The following PTGER2 variants were observed in gnomAD, a reference collection of about 807,000 sequenced individuals.
The protein encoded by PTGER2 is prostaglandin E receptor 2.
Under a neutral mutation model 26.2 loss-of-function variants are expected in PTGER2, and 22 were observed. The ratio of observed to expected loss-of-function variants is 0.84; its 90% CI spans 0.60 to 1.20. PTGER2 has a LOEUF of 1.20. PTGER2 is among the 50% of genes most tolerant of loss of function. PTGER2 has a pLI of 0.00. For synonymous variants in PTGER2, 219 were observed against 208.9 expected, an observed-to-expected ratio of 1.05 and a Z score of -0.42; for missense variants, 458 against 475.2, an observed-to-expected ratio of 0.96 and a Z score of 0.34.
chr14:52,318,656 A>T (rs561711186), intron 1 of PTGER2, among the ~76,000 whole-genome samples: 3 of 152,186 alleles, frequency 2.0e-5, no homozygotes, highest in African/African-American at 7.2e-5. Context: ...ATTCCACAGC[A>T]CTCCAGTAGT....
rs1205890776 is a variant in PTGER2, at chr14:52,327,629, A to G, written c.*175A>G. 2 of 587,216 alleles carry G rather than the reference A, an allele frequency of 3.4e-6. No individual in the cohort carries two copies. The highest frequency in any genetic ancestry group is 5.8e-5 in the East Asian group (2 of 34,510). 36.4% of individuals were successfully genotyped at this position (587,216 alleles called of 1,614,324 possible). On this transcript the variant is annotated 3_prime_UTR_variant, in exon 2 of 2. Coordinates refer to ENST00000245457, the MANE Select transcript of PTGER2 (RefSeq NM_000956.4). ...GATGTGCTGACAAGGCACTTCATGT[A>G]AAGTGTCAGAAGGAGCTACAAAACC...
intron 1 of PTGER2, among the ~76,000 whole-genome samples, chr14:52,315,901 T>C (rs529791912): frequency 1.3e-5 from 2 of 152,330 alleles, no homozygotes; most frequent in South Asian, 2.1e-4. Flanking sequence ...CCAGCTGCCA[T>C]TGAAAATGGT....
chr14:52,316,387 A>T (rs1002117155), intron 1 of PTGER2, among the ~76,000 whole-genome samples: 3 of 152,186 alleles, frequency 2.0e-5, no homozygotes, highest in African/African-American at 7.2e-5. Flanking sequence ...GTTTTAGCTG[A>T]GCCTGGAATA....
Position 52,314,666 on chromosome 14 carries a change from C to G in PTGER2, c.118C>G (p.Leu40Val). 1 of 1,532,820 alleles carries G rather than the reference C, an allele frequency of 6.5e-7. No individual in the cohort carries two copies. The highest frequency in any genetic ancestry group is 1.4e-5 in the African/African-American group (1 of 72,680). 95.0% of individuals were successfully genotyped at this position (1,532,820 alleles called of 1,614,324 possible). ...VMFSAGVLGNLIALALLARRW... is the reference protein window; with the variant it reads ...VMFSAGVLGNVIALALLARRW... The stretch of plus-strand genomic sequence containing the variant: ...GTTCTCGGCCGGGGTGCTGGGGAAC[C>G]TCATAGCACTGGCGCTGCTGGCGCG... The change falls in exon 1 of 2, where the codon CTC (leucine) becomes GTC (valine). Residue 40 changes from leucine to valine, a missense_variant. By Grantham distance (32) the Leu-to-Val change is conservative. Coordinates refer to ENST00000245457, the MANE Select transcript of PTGER2 (RefSeq NM_000956.4). This position sits in a 1 kb window ranked among gnomAD's most constrained non-coding sequence, Gnocchi z 5.7.
Position 52,315,227 on chromosome 14 carries a change from C to A in PTGER2, c.679C>A (p.Arg227Ser). The A allele has an allele frequency of 6.2e-7, 1 of 1,611,894 alleles. No homozygotes were observed. Among genetic ancestry groups the A allele is most frequent in the East Asian group, 2.2e-5 (1 of 44,854 alleles). ...CATTCTCAACCTCATCCGCATGCAC[C>A]GCCGAAGCCGGAGAAGCCGCTGCGG... ...SVILNLIRMH[R>S]RSRRSRCGPS... is the part of the protein sequence containing the mutation. The change falls in exon 1 of 2, where the codon CGC (arginine) becomes AGC (serine). Residue 227 changes from arginine to serine, a missense_variant. Physicochemically the swap from Arg to Ser is moderately radical, Grantham distance 110. Transcript: ENST00000245457.
At chr14:52,315,722 T>C (rs139476119) in intron 1 of PTGER2, among the ~76,000 whole-genome samples, 139 of 152,328 alleles carry the variant, frequency 9.1e-4, no homozygotes, top group African/African-American at 3.2e-3. Flanking sequence ...CTTGGCTTAG[T>C]AATTGAGAAA....
rs1254049180 is a variant in PTGER2, at chr14:52,314,565, A to G, written c.17A>G (p.Asn6Ser). ...CACCCCACCATGGGCAATGCCTCCA[A>G]TGACTCCCAGTCTGAGGACTGCGAG... is the stretch of plus-strand genomic sequence containing the variant. MGNAS[N>S]DSQSEDCETR... The change falls in exon 1 of 2, where the codon AAT (asparagine) becomes AGT (serine). Residue 6 changes from asparagine to serine, a missense_variant. Coordinates refer to ENST00000245457, the MANE Select transcript of PTGER2 (RefSeq NM_000956.4). This position sits in a 1 kb window ranked among gnomAD's most constrained non-coding sequence, Gnocchi z 5.7. 4.0e-6 allele frequency: 6 copies of G among 1,496,410 alleles called. No homozygotes were observed. The highest frequency in any genetic ancestry group is 3.6e-6 in the Non-Finnish European group (4 of 1,123,412). The allele number at this position is 1,496,410 out of a possible 1,614,324, so 92.7% of individuals were successfully genotyped here. A position where few individuals can be genotyped will look rare whatever the true frequency, so the allele number is the denominator to read the frequency against.
rs1436933333 is a variant in PTGER2, at chr14:52,314,913, C to G, written c.365C>G (p.Ala122Gly). 6.2e-7 allele frequency: 1 copy of G among 1,612,580 alleles called. No homozygotes were observed. The highest frequency in any genetic ancestry group is 8.5e-7 in the Non-Finnish European group (1 of 1,179,644). The change falls in exon 1 of 2, where the codon GCC (alanine) becomes GGC (glycine). Residue 122 changes from alanine (A) to glycine (G), a missense_variant. By Grantham distance (60) the Ala-to-Gly change is moderately conservative (BLOSUM62 0). Coordinates refer to ENST00000245457, the MANE Select transcript of PTGER2 (RefSeq NM_000956.4). This position sits in a 1 kb window ranked among gnomAD's most constrained non-coding sequence, Gnocchi z 5.7. ...TTCGCCATGACCTTCTTCAGCCTGG[C>G]CACGATGCTCATGCTCTTCGCCATG... ...FAFAMTFFSL[A>G]TMLMLFAMAL...
chr14:52,315,623 C>G (rs2033832773), intron 1 of PTGER2, among the ~76,000 whole-genome samples: 1 of 152,136 alleles, frequency 6.6e-6, no homozygotes, highest in African/African-American at 2.4e-5. Flanking sequence ...ATAATACAGA[C>G]CGTCCGAAAG....
Position 52,321,326 on chromosome 14 carries a change from G to T in PTGER2, c.844-5895G>T, listed in dbSNP as rs2033893561. ...AGGACACCTTAGTGTCTTTCAGAAG[G>T]CAGGTAAACATATAACAATCTATGC... On this transcript the variant is annotated intron_variant, in intron 1 of 1. Coordinates refer to ENST00000245457, the MANE Select transcript of PTGER2 (RefSeq NM_000956.4). Among the ~76,000 whole-genome samples, 4 of 152,270 alleles carry T rather than the reference G, an allele frequency of 2.6e-5. No homozygotes were observed. In the South Asian group the frequency reaches 8.3e-4, roughly 32 times the overall value.
rs2033828472 is a variant in PTGER2, at chr14:52,315,331, C to T, written c.783C>T (p.Asp261=). 3.1e-6 allele frequency: 5 copies of T among 1,613,316 alleles called. No individual in the cohort carries two copies. Among genetic ancestry groups the T allele is most frequent in the Non-Finnish European group, 4.2e-6 (5 of 1,179,866 alleles). Residue 261 remains aspartate, a synonymous_variant, in exon 1 of 2, where the codon GAC becomes GAT. Coordinates refer to ENST00000245457, the MANE Select transcript of PTGER2 (RefSeq NM_000956.4). Reference sequence around the variant, plus strand: ...GGGTGTCCATGGCGGAGGAGACGGACCACCTCATTCTCCTGGCTATCATGA... The same window carrying T: ...GGGTGTCCATGGCGGAGGAGACGGATCACCTCATTCTCCTGGCTATCATGA... The part of the protein sequence containing the change: ...GERVSMAEET[D]HLILLAIMTI...
intron 1 of PTGER2, among the ~76,000 whole-genome samples, chr14:52,319,329 T>C (rs1323919615): frequency 6.6e-6 from 1 of 152,192 alleles, no homozygotes; most frequent in Non-Finnish European, 1.5e-5. Context: ...TTCTAGGAGA[T>C]TGGCTAATGT....
intron 1 of PTGER2, among the ~76,000 whole-genome samples, chr14:52,317,119 A>G (rs1252706829): frequency 6.6e-6 from 1 of 152,192 alleles, no homozygotes; most frequent in Non-Finnish European, 1.5e-5. Flanking sequence ...ATCAGAAACT[A>G]TTCCTGAAAG....
In PTGER2 at chr14:52,314,898, C is replaced by T. The variant is rs2033818568; in HGVS notation, c.350C>T (p.Thr117Ile). Residue 117 changes from threonine (T) to isoleucine (I), a missense_variant, in exon 1 of 2, where the codon ACC becomes ATC. Thr to Ile is a moderately conservative substitution (Grantham distance 89). Transcript: ENST00000245457. This position sits in a 1 kb window ranked among gnomAD's most constrained non-coding sequence, Gnocchi z 5.7. ...TGCACCTACTTCGCTTTCGCCATGACCTTCTTCAGCCTGGCCACGATGCTC... is the reference window on the plus strand; with the variant it reads ...TGCACCTACTTCGCTTTCGCCATGATCTTCTTCAGCCTGGCCACGATGCTC... ...RACTYFAFAMTFFSLATMLML... is the reference protein window; with the variant it reads ...RACTYFAFAMIFFSLATMLML... 1 of 1,612,622 alleles carries T rather than the reference C, an allele frequency of 6.2e-7. No individual in the cohort carries two copies. The highest frequency in any genetic ancestry group is 1.3e-5 in the African/African-American group (1 of 74,942).
At chr14:52,324,658 G>A (rs967629713) in intron 1 of PTGER2, among the ~76,000 whole-genome samples, 2 of 152,214 alleles carry the variant, frequency 1.3e-5, no homozygotes, top group East Asian at 1.9e-4. Flanking sequence ...GCTGAAAATG[G>A]CAAAATGGTA....
intron 1 of PTGER2, among the ~76,000 whole-genome samples, chr14:52,320,321 T>G (rs1037912090): frequency 1.3e-5 from 2 of 152,174 alleles, no homozygotes; most frequent in African/African-American, 4.8e-5. Flanking sequence ...TTACACTGGT[T>G]TTAAAAATGT....
Position 52,314,594 on chromosome 14 carries a change from C to T in PTGER2, c.46C>T (p.Arg16Ter). 6.6e-7 allele frequency: 1 copy of T among 1,509,886 alleles called. No individual in the cohort carries two copies. The highest frequency in any genetic ancestry group is 8.9e-7 in the Non-Finnish European group (1 of 1,128,730). The allele number at this position is 1,509,886 out of a possible 1,614,324, so 93.5% of individuals were successfully genotyped here. The change falls in exon 1 of 2, where the codon CGA becomes TGA. Residue 16 changes from arginine (R) to a stop codon, truncating the protein, a stop_gained. Coordinates refer to ENST00000245457, the MANE Select transcript of PTGER2 (RefSeq NM_000956.4). LOFTEE classifies it high-confidence loss of function. This position sits in a 1 kb window ranked among gnomAD's most constrained non-coding sequence, Gnocchi z 5.7. ...NDSQSEDCETRQWLPPGESPA... is the reference protein window; with the variant it reads ...NDSQSEDCET ...CTCCCAGTCTGAGGACTGCGAGACG[C>T]GACAGTGGCTTCCCCCAGGCGAAAG...
intron 1 of PTGER2, among the ~76,000 whole-genome samples, chr14:52,318,534 C>G (rs1320761124): frequency 6.6e-6 from 1 of 152,290 alleles, no homozygotes; most frequent in Middle Eastern, 3.4e-3. Flanking sequence ...GCAATCTACT[C>G]TATCTCTTCC....
Position 52,328,294 on chromosome 14 carries a change from G to C in PTGER2, c.*840G>C, listed in dbSNP as rs1363729248. On this transcript the variant is annotated 3_prime_UTR_variant, in exon 2 of 2. Transcript: ENST00000245457. ...ATTAGGCTTAAAAACTGAAAAATCT[G>C]GTTCATTCTTCAGATATACTGGAAC... 1 of 152,546 alleles carries C rather than the reference G, an allele frequency of 6.6e-6. No individual in the cohort carries two copies. The highest frequency in any genetic ancestry group is 1.5e-5 in the Non-Finnish European group (1 of 68,014). 9.4% of individuals were successfully genotyped at this position (152,546 alleles called of 1,614,324 possible). A position where few individuals can be genotyped will look rare whatever the true frequency, so the allele number is the denominator to read the frequency against.
Sources: allele counts gnomAD v4.1 joint callset (sites outside exome capture counted in the v4.1 genomes callset), GRCh38; gene constraint gnomAD v4.1.1; non-coding constraint Gnocchi (gnomAD v3.1); transcripts MANE v1.5; gene names NCBI Gene and HGNC (gene_info 2026-07-23, HGNC 2026-07-21).